CADPS: variants seen among roughly 807,000 people sequenced by gnomAD.
CADPS encodes the protein calcium-dependent secretion activator 1.
A neutral mutation model predicts 167.3 loss-of-function variants in CADPS; 57 were observed. The observed-to-expected ratio is 0.34, with a 90% CI of 0.28 to 0.42. CADPS has a LOEUF of 0.42. Ranked by LOEUF, CADPS falls within the 20% of genes least tolerant of loss-of-function variation. The probability of loss-of-function intolerance (pLI) is 1.00; values close to 1 mark genes in which losing one functional copy is unlikely to be tolerated. For missense variants in CADPS, 1,414 were observed against 1,738.1 expected (o/e 0.81, Z 3.32); for synonymous variants, 676 against 635.3 (o/e 1.06, Z -0.96).
At chr3:62,580,736 G>A (rs113373151) in intron 8 of CADPS, among the ~76,000 whole-genome samples, 22,415 of 152,108 alleles carry the variant, frequency 0.15, 2,215 homozygotes, top group South Asian at 0.26. Flanking sequence ...TAAAGACTAA[G>A]GGTAAGAGAA....
Position 62,399,701 on chromosome 3 carries a change from A to T in CADPS, c.3883-116T>A. 1.3e-6 allele frequency: 1 copy of T among 742,394 alleles called. No homozygotes were observed. Among genetic ancestry groups the T allele is most frequent in the South Asian group, 1.8e-5 (1 of 54,474 alleles). The allele number at this position is 742,394 out of a possible 1,614,324, so 46.0% of individuals were successfully genotyped here. A position where few individuals can be genotyped will look rare whatever the true frequency, so the allele number is the denominator to read the frequency against. ...GACCTTCAGCTAAATATCACACTTTATGCATTGTCAAATAAAAAGCCACTG... is the reference window on the plus strand; with the variant it reads ...GACCTTCAGCTAAATATCACACTTTTTGCATTGTCAAATAAAAAGCCACTG... On this transcript the variant is annotated intron_variant, in intron 29 of 29. Coordinates refer to ENST00000383710, the MANE Select transcript of CADPS (RefSeq NM_003716.4). This position sits in a 1 kb window ranked among gnomAD's most constrained non-coding sequence, Gnocchi z 5.6.
intron 13 of CADPS, among the ~76,000 whole-genome samples, chr3:62,530,251 C>T (rs758790379): frequency 2.6e-5 from 4 of 152,044 alleles, no homozygotes; most frequent in Non-Finnish European, 5.9e-5. Flanking sequence ...AATGCATAGG[C>T]CTATCTTATG....
chr3:62,852,467 T>G (rs1033931946), intron 1 of CADPS, among the ~76,000 whole-genome samples: 1 of 152,174 alleles, frequency 6.6e-6, no homozygotes. Context: ...ATCCGTCTCT[T>G]CTTTCATTTT....
At chr3:62,675,713 G>C (rs757975790) in intron 3 of CADPS, among the ~76,000 whole-genome samples, 11 of 152,108 alleles carry the variant, frequency 7.2e-5, no homozygotes, top group Admixed American at 2.0e-4. Context: ...TTCCCAGCCT[G>C]AGAAACACTT....
intron 11 of CADPS, among the ~76,000 whole-genome samples, chr3:62,547,579 C>G (rs1309685031): frequency 1.0e-5 from 1 of 96,368 alleles, no homozygotes; most frequent in African/African-American, 5.0e-5. Context: ...GGGATGATAT[C>G]ATTTACGCCC....
At chr3:62,757,282 T>C (rs1243400000) in intron 2 of CADPS, among the ~76,000 whole-genome samples, 5 of 152,180 alleles carry the variant, frequency 3.3e-5, no homozygotes, top group African/African-American at 9.6e-5. Context: ...CCCCAGATTC[T>C]TTTTTCCTAA....
chr3:62,571,312 A>G (rs1321146460), intron 8 of CADPS, among the ~76,000 whole-genome samples: 4 of 152,170 alleles, frequency 2.6e-5, no homozygotes, highest in African/African-American at 9.7e-5. Flanking sequence ...CATCTTGTCA[A>G]GTTTCACTCA....
chr3:62,552,269 C>G (rs368763405), intron 10 of CADPS, among the ~76,000 whole-genome samples: 1 of 150,916 alleles, frequency 6.6e-6, no homozygotes, highest in African/African-American at 2.4e-5. Context: ...AGGAGATATA[C>G]CTAATGTTAA....
chr3:62,860,721 T>C (rs1315928955), intron 1 of CADPS, among the ~76,000 whole-genome samples: 1 of 152,150 alleles, frequency 6.6e-6, no homozygotes, highest in Non-Finnish European at 1.5e-5. Flanking sequence ...GAAAAGATGG[T>C]ACCAAAGAAT....
At position 62,492,460 on chromosome 3, in the gene CADPS, C is replaced by T; in HGVS notation, c.2728-14G>A. 6.2e-7 allele frequency: 1 copy of T among 1,609,546 alleles called. No homozygotes were observed. The highest frequency in any genetic ancestry group is 8.5e-7 in the Non-Finnish European group (1 of 1,177,032). On this transcript the variant is annotated splice_polypyrimidine_tract_variant and intron_variant, in intron 19 of 29. Transcript: ENST00000383710. ...CCACGCAAAGGCCTTTAAAATTTGG[C>T]AGAAAAACAATAGACAAAGAAGTGA...
intron 3 of CADPS, among the ~76,000 whole-genome samples, chr3:62,737,910 T>C (rs1201801826): frequency 1.3e-5 from 2 of 152,170 alleles, no homozygotes; most frequent in Non-Finnish European, 2.9e-5. Flanking sequence ...CTCATTCTGA[T>C]TTGTTTTTCT....
chr3:62,508,786 G>A (rs899005808), intron 17 of CADPS, among the ~76,000 whole-genome samples: 6 of 152,082 alleles, frequency 3.9e-5, no homozygotes, highest in African/African-American at 1.4e-4. Context: ...ATAATCTGCA[G>A]CATCACATCT....
At chr3:62,440,928 C>G (rs2056200773) in intron 27 of CADPS, 1 of 152,250 alleles carries the variant, frequency 6.6e-6, no homozygotes. Context: ...TATGCAGCCA[C>G]TGGGGAAAGA....
In CADPS at chr3:62,753,882, A is replaced by G; in HGVS notation, c.556-109T>C. ...CCACCTCACGTGCATCCCAGGAGGA[A>G]CCACTGTGGGTCTCACCCTGCCCCA... is the stretch of plus-strand genomic sequence containing the variant. On this transcript the variant is annotated intron_variant, in intron 2 of 29. Coordinates refer to ENST00000383710, the MANE Select transcript of CADPS (RefSeq NM_003716.4). The surrounding 1 kb of genome is among the most constrained non-coding windows in gnomAD (Gnocchi z 4.6). 9.6e-7 allele frequency: 1 copy of G among 1,046,684 alleles called. No individual in the cohort carries two copies. The highest frequency in any genetic ancestry group is 1.4e-6 in the Non-Finnish European group (1 of 726,122). The allele number at this position is 1,046,684 out of a possible 1,614,324, so 64.8% of individuals were successfully genotyped here. A position where few individuals can be genotyped will look rare whatever the true frequency, so the allele number is the denominator to read the frequency against.
chr3:62,662,615 AC>A (rs2073520713), intron 3 of CADPS, among the ~76,000 whole-genome samples: 2 of 152,208 alleles, frequency 1.3e-5, no homozygotes, highest in South Asian at 4.2e-4. Context: ...CATTTGAACG[AC>A]CTTGCAAAAG....
intron 6 of CADPS, among the ~76,000 whole-genome samples, chr3:62,624,716 C>A (rs780652245): frequency 6.6e-6 from 1 of 152,168 alleles, no homozygotes; most frequent in Non-Finnish European, 1.5e-5. Context: ...CCTGATGGTA[C>A]TAAGTCTTGG....
chr3:62,682,495 G>A (rs868336132), intron 3 of CADPS, among the ~76,000 whole-genome samples: 3 of 152,030 alleles, frequency 2.0e-5, no homozygotes, highest in Non-Finnish European at 2.9e-5. Flanking sequence ...CTGTGAAATC[G>A]CTAGTGTTCA....
At chr3:62,653,464 T>C (rs78019221) in intron 4 of CADPS, among the ~76,000 whole-genome samples, 1,924 of 152,268 alleles carry the variant, frequency 0.013, 42 homozygotes, top group African/African-American at 0.043. Flanking sequence ...CTTGTTTATG[T>C]CAACTATGGC....
intron 1 of CADPS, among the ~76,000 whole-genome samples, chr3:62,785,108 T>G (rs1458093303): frequency 6.6e-6 from 1 of 152,192 alleles, no homozygotes; most frequent in Non-Finnish European, 1.5e-5. Flanking sequence ...TGAAAGAGAT[T>G]AACCATGAAG....
Sources: gnomAD v4.1 joint callset for allele counts (sites outside exome capture counted in the v4.1 genomes callset) on GRCh38, gnomAD v4.1.1 for gene constraint, Gnocchi (gnomAD v3.1) non-coding constraint, MANE v1.5 for transcripts, NCBI Gene and HGNC (gene_info 2026-07-23, HGNC 2026-07-21) for gene names.